Variants in SIN3A observed in about 807,000 individuals in gnomAD.
SIN3A encodes paired amphipathic helix protein Sin3a.
SIN3A carries 14 observed loss-of-function variants against 146.1 expected under a neutral mutation model. The observed-to-expected ratio is 0.10, with a 90% CI of 0.06 to 0.15. The LOEUF (loss-of-function observed/expected upper bound fraction) is 0.15. Ranked by LOEUF, SIN3A falls within the 10% of genes least tolerant of loss-of-function variation. SIN3A has a pLI of 1.00. For synonymous variants in SIN3A, 572 were observed against 572.0 expected (o/e 1.00, Z 0.00); for missense variants, 1,028 against 1,576.0 (o/e 0.65, Z 5.89).
chr15:75,383,492 G>A (rs964993021), intron 17 of SIN3A, among the ~76,000 whole-genome samples: 1 of 151,366 alleles, frequency 6.6e-6, no homozygotes, highest in Non-Finnish European at 1.5e-5. Context: ...GACGCGATCA[G>A]GCCTCACTGC....
intron 1 of SIN3A, among the ~76,000 whole-genome samples, chr15:75,436,609 A>G (rs1032705449): frequency 2.6e-5 from 4 of 152,212 alleles, no homozygotes; most frequent in African/African-American, 9.7e-5. Flanking sequence ...CATATGTTAA[A>G]CCTAGTAGTA....
intron 9 of SIN3A, among the ~76,000 whole-genome samples, chr15:75,405,142 T>C (rs2073485918): frequency 6.7e-6 from 1 of 150,338 alleles, no homozygotes; most frequent in South Asian, 2.1e-4. Flanking sequence ...GAAGGAGGGC[T>C]GATCACCCGA....
At chr15:75,389,926 G>T in intron 15 of SIN3A, 105 bp from the exon 16 acceptor site, 1 of 1,021,640 alleles carries the variant, frequency 9.8e-7, no homozygotes, top group Middle Eastern at 3.1e-4. Flanking sequence ...TTGAAAGTAT[G>T]AACACTAGGT....
intron 6 of SIN3A, among the ~76,000 whole-genome samples, chr15:75,410,661 TC>T (rs2073617512): frequency 6.6e-6 from 1 of 151,932 alleles, no homozygotes; most frequent in Admixed American, 6.6e-5. Flanking sequence ...CTTAGAAATT[TC>T]TCCTCCTCCT....
intron 16 of SIN3A, among the ~76,000 whole-genome samples, chr15:75,387,216 T>G (rs1362621902): frequency 1.3e-5 from 2 of 152,078 alleles, no homozygotes; most frequent in Non-Finnish European, 2.9e-5. Flanking sequence ...GTTGAGAAGC[T>G]TGAAAATGTT....
At chr15:75,403,789 ACCCACCTCGG>A (rs2073457846) in intron 9 of SIN3A, among the ~76,000 whole-genome samples, 1 of 152,028 alleles carries the variant, frequency 6.6e-6, no homozygotes, top group South Asian at 2.1e-4. Context: ...CAGGTGATCC[ACCCACCTCGG>A]CCTCTCAAAG....
chr15:75,435,464 G>A (rs868155098), intron 1 of SIN3A, among the ~76,000 whole-genome samples: 10 of 152,250 alleles, frequency 6.6e-5, no homozygotes, highest in South Asian at 4.1e-4. Flanking sequence ...TTGGGAGGCC[G>A]AGGCGGGTGG....
At chr15:75,428,318 GTT>G (rs2073961058) in intron 2 of SIN3A, among the ~76,000 whole-genome samples, 1 of 152,008 alleles carries the variant, frequency 6.6e-6, no homozygotes, top group African/African-American at 2.4e-5. Context: ...ACGGGTTTTT[GTT>G]TTGTTTTTAA....
chr15:75,446,808 G>C (rs1441350085), intron 1 of SIN3A, among the ~76,000 whole-genome samples: 1 of 151,772 alleles, frequency 6.6e-6, no homozygotes, highest in East Asian at 1.9e-4. Context: ...GTCTCGCTCT[G>C]TCGCCCAGGC....
intron 14 of SIN3A, among the ~76,000 whole-genome samples, chr15:75,393,615 T>G (rs1435408866): frequency 6.6e-6 from 1 of 152,214 alleles, no homozygotes; most frequent in Non-Finnish European, 1.5e-5. Flanking sequence ...CCTCAAGTTA[T>G]CTGTCCACCT....
chr15:75,399,476 C>T (rs561314519), intron 12 of SIN3A, among the ~76,000 whole-genome samples: 2 of 151,536 alleles, frequency 1.3e-5, no homozygotes, highest in East Asian at 1.9e-4. Flanking sequence ...TGCAGTGAGC[C>T]GAGATTGCGC....
rs1371690025 is a variant in SIN3A, at chr15:75,430,230, T to G, written c.146A>C (p.Gln49Pro). Residue 49 changes from glutamine to proline, a missense_variant, in exon 2 of 21, where the codon CAG becomes CCG. Gln to Pro is a moderately conservative substitution (Grantham distance 76). This residue lies in a region of SIN3A where 152 missense variants were observed against 231.5 expected (regional missense o/e 0.66). Transcript: ENST00000394947. ...PVYEAVSETM[Q>P]SATGIQYSVT... ...AGAGTACTGAATTCCCGTAGCTGACTGCATGGTCTCAGACACTGCTTCATA... is the reference window on the plus strand; with the variant it reads ...AGAGTACTGAATTCCCGTAGCTGACGGCATGGTCTCAGACACTGCTTCATA... 1.9e-6 allele frequency: 3 copies of G among 1,614,176 alleles called. No homozygotes were observed. The highest frequency in any genetic ancestry group is 1.1e-5 in the South Asian group (1 of 91,080).
At chr15:75,390,834 C>T (rs1487479041) in intron 15 of SIN3A, among the ~76,000 whole-genome samples, 1 of 152,168 alleles carries the variant, frequency 6.6e-6, no homozygotes, top group African/African-American at 2.4e-5. Context: ...CATCGGCCTC[C>T]CAAAGTGCTG....
chr15:75,402,458 C>T (rs959300680), intron 9 of SIN3A, among the ~76,000 whole-genome samples: 1 of 151,836 alleles, frequency 6.6e-6, no homozygotes, highest in African/African-American at 2.4e-5. Flanking sequence ...GCAGACGTTG[C>T]AGTGAGCTGG....
intron 15 of SIN3A, 117 bp from the exon 16 acceptor site, chr15:75,389,938 T>G: frequency 1.1e-6 from 1 of 877,462 alleles, no homozygotes; most frequent in African/African-American, 1.7e-5. Context: ...ACACTAGGTA[T>G]TCAAAATATA....
chr15:75,431,565 T>C (rs893920075), intron 1 of SIN3A, among the ~76,000 whole-genome samples: 1 of 151,852 alleles, frequency 6.6e-6, no homozygotes, highest in Non-Finnish European at 1.5e-5. Flanking sequence ...TTAAATAAGA[T>C]ACCACTGCTA....
chr15:75,380,656 A>G lies in SIN3A; in HGVS notation c.3356T>C (p.Leu1119Pro). 6.2e-7 allele frequency: 1 copy of G among 1,613,910 alleles called. No homozygotes were observed. The highest frequency in any genetic ancestry group is 8.5e-7 in the Non-Finnish European group (1 of 1,179,786). The change falls in exon 19 of 21, where the codon CTA becomes CCA. Residue 1119 changes from leucine (L) to proline (P), a missense_variant. Leu to Pro is a moderately conservative substitution (Grantham distance 98, BLOSUM62 -3). This residue lies in a region of SIN3A where 488 missense variants were observed against 690.2 expected (regional missense o/e 0.71). Coordinates refer to ENST00000394947, the MANE Select transcript of SIN3A (RefSeq NM_001145358.2). Reference protein sequence around the residue: ...DTTSPELREHLAQKPVFLPRN... With the variant: ...DTTSPELREHPAQKPVFLPRN... ...GGGGAGAAATACTGGTTTCTGTGCT[A>G]GATGTTCACGAAGCTCAGGCGAGGT...
chr15:75,424,993 A>C (rs1427604417), intron 2 of SIN3A, among the ~76,000 whole-genome samples: 1 of 152,222 alleles, frequency 6.6e-6, no homozygotes, highest in Non-Finnish European at 1.5e-5. Flanking sequence ...TACTGTATAT[A>C]AACTTTTAAA....
rs33945328 is a variant in SIN3A, at chr15:75,387,561, TAAA to T, written c.3021+2088_3021+2090del. On this transcript the variant is annotated intron_variant, in intron 16 of 20. Coordinates refer to ENST00000394947, the MANE Select transcript of SIN3A (RefSeq NM_001145358.2). The stretch of plus-strand genomic sequence containing the variant: ...TTTTCTGGATGAAACCTGTTTCCAT[TAAA>T]AAAAAAAAAAAAAAGCGGGGGGTGG... 8.1e-3 allele frequency among the ~76,000 whole-genome samples: 912 copies of T among 113,110 alleles called. 8 individuals carry two copies. Among genetic ancestry groups the T allele is most frequent in the South Asian group, 0.025 (82 of 3,234 alleles). 74.2% of individuals were successfully genotyped at this position (113,110 alleles called of 152,430 possible).
Sources: allele counts gnomAD v4.1 joint callset (sites outside exome capture counted in the v4.1 genomes callset), GRCh38; gene constraint gnomAD v4.1.1; regional missense constraint gnomAD v4.1.1; transcripts MANE v1.5; gene names NCBI Gene and HGNC (gene_info 2026-07-23, HGNC 2026-07-21).